The following MAP2 variants were observed in gnomAD, a reference collection of about 807,000 sequenced individuals.
MAP2 encodes the protein microtubule-associated protein 2.
Under a neutral mutation model 137.6 loss-of-function variants are expected in MAP2, and 14 were observed. The observed-to-expected ratio is 0.10, with a 90% CI of 0.07 to 0.16. The LOEUF is 0.16. Among genes scored for constraint, MAP2 ranks in the 10% least tolerant of loss-of-function variants. The pLI, the probability that MAP2 is intolerant of heterozygous loss-of-function variation, is 1.00. For missense variants in MAP2, 2,088 were observed against 2,191.5 expected (o/e 0.95, Z 0.94); for synonymous variants, 786 against 782.3 (o/e 1.00, Z -0.08).
rs12621656 is a variant in MAP2 at position 209,593,905 on chromosome 2, A to T, written c.-107+13805A>T. ...TATATTTATATTATTAAAATATATA[A>T]GTATATATTTATATTATTAAAATAT... On this transcript the variant is annotated intron_variant, in intron 3 of 15. Transcript: ENST00000682079. 6.3e-3 allele frequency among the ~76,000 whole-genome samples: 68 copies of T among 10,846 alleles called. 1 individual carries two copies. The highest frequency in any genetic ancestry group is 0.031 in the South Asian group (36 of 1,154). The allele number at this position is 10,846 out of a possible 152,430, so 7.1% of individuals were successfully genotyped here. A position where few individuals can be genotyped will look rare whatever the true frequency, so the allele number is the denominator to read the frequency against.
rs557076229 is a variant in MAP2, at chr2:209,505,784, G to A, written c.-221-1808G>A. On this transcript the variant is annotated intron_variant, in intron 1 of 15. Transcript: ENST00000682079. ...TTCAGGAGTTTGAGACCAGCCTGGG[G>A]AACATGGTGAAACTCCATCTCTACA... Among the ~76,000 whole-genome samples, 19 of 151,968 alleles carry A rather than the reference G, an allele frequency of 1.3e-4. No individual in the cohort carries two copies. The East Asian group carries it at 3.5e-3, about 28-fold the overall frequency.
Position 209,449,113 on chromosome 2 carries a change from C to T in MAP2, c.-222+24837C>T, listed in dbSNP as rs141978516. Among the ~76,000 whole-genome samples the T allele has an allele frequency of 3.7e-3, 559 of 152,226 alleles. 1 individual carries two copies. The highest frequency in any genetic ancestry group is 6.8e-3 in the Middle Eastern group (2 of 294). ...TGATTTTTTTCTAGGCATTAGAATA[C>T]GGAGCTTCCAAGTTCAGCACCTTGG... On this transcript the variant is annotated intron_variant, in intron 1 of 15. Coordinates refer to ENST00000682079, the MANE Select transcript of MAP2 (RefSeq NM_001375505.1).
chr2:209,654,988 A>C (rs916354645), intron 5 of MAP2, among the ~76,000 whole-genome samples: 30 of 152,208 alleles, frequency 2.0e-4, no homozygotes, highest in Middle Eastern at 3.4e-3. Context: ...GTAATACACA[A>C]AAAAAAATCA....
chr2:209,587,958 T>C (rs1287683244), intron 3 of MAP2, among the ~76,000 whole-genome samples: 2 of 152,206 alleles, frequency 1.3e-5, no homozygotes, highest in East Asian at 3.8e-4. Context: ...TCAAGTTAAA[T>C]TGATAATCAC....
chr2:209,506,869 C>T (rs1262743287), intron 1 of MAP2, among the ~76,000 whole-genome samples: 5 of 152,162 alleles, frequency 3.3e-5, no homozygotes, highest in Non-Finnish European at 7.4e-5. Context: ...TCAGTCTGTG[C>T]AGACTGTTCT....
intron 2 of MAP2, among the ~76,000 whole-genome samples, chr2:209,553,612 G>T (rs1168307103): frequency 6.6e-6 from 1 of 152,164 alleles, no homozygotes; most frequent in African/African-American, 2.4e-5. Flanking sequence ...AATGATAGTA[G>T]TTATTGGCAT....
At chr2:209,617,222 C>T (rs1003153541) in intron 3 of MAP2, among the ~76,000 whole-genome samples, 6 of 152,060 alleles carry the variant, frequency 3.9e-5, no homozygotes, top group Non-Finnish European at 8.8e-5. Context: ...GACAAAAGGA[C>T]AGGAGAAGAT....
intron 7 of MAP2, among the ~76,000 whole-genome samples, chr2:209,689,804 A>G (rs1368709260): frequency 1.3e-5 from 2 of 152,218 alleles, no homozygotes; most frequent in Non-Finnish European, 2.9e-5. Context: ...GAGTTTAACA[A>G]TATGATAATA....
At chr2:209,690,971 A>C (rs990183650) in intron 7 of MAP2, 1 of 951,246 alleles carries the variant, frequency 1.1e-6, no homozygotes, top group Non-Finnish European at 1.4e-6. Context: ...TAACAAGTCC[A>C]CTGTTGTAGG....
chr2:209,694,801 C>T lies in MAP2; in HGVS notation c.2631C>T (p.Val877=). Residue 877 remains valine (V), a synonymous_variant, in exon 8 of 16, where the codon GTC becomes GTT. Coordinates refer to ENST00000682079, the MANE Select transcript of MAP2 (RefSeq NM_001375505.1). The part of the protein sequence containing the change: ...LGYCVFNKYT[V]PLPSPVQDSE... ...ACTGTGTGTTCAATAAGTACACAGT[C>T]CCATTGCCATCACCTGTTCAAGACA... is the stretch of plus-strand genomic sequence containing the variant. 6.2e-7 allele frequency: 1 copy of T among 1,614,098 alleles called. No individual in the cohort carries two copies. The highest frequency in any genetic ancestry group is 8.5e-7 in the Non-Finnish European group (1 of 1,180,004).
At chr2:209,516,975 T>G (rs1412692372) in intron 2 of MAP2, among the ~76,000 whole-genome samples, 3 of 152,150 alleles carry the variant, frequency 2.0e-5, no homozygotes, top group Non-Finnish European at 4.4e-5. Context: ...TTCTTCTATT[T>G]CATACAAGTG....
rs184727974 is a variant in MAP2, at chr2:209,604,269, C to A, written c.-106-20784C>A. ...GTGTTCATTAAGTCCGTACCCAGTA[C>A]CCTTGAAACAAGAATGCCACATAAA... On this transcript the variant is annotated intron_variant, in intron 3 of 15. Coordinates refer to ENST00000682079, the MANE Select transcript of MAP2 (RefSeq NM_001375505.1). Among the ~76,000 whole-genome samples the A allele has an allele frequency of 7.9e-5, 12 of 152,268 alleles. No individual in the cohort carries two copies. In the East Asian group the frequency reaches 2.3e-3, roughly 29 times the overall value.
intron 1 of MAP2, among the ~76,000 whole-genome samples, chr2:209,484,414 A>AG (rs1352618799): frequency 6.6e-6 from 1 of 152,124 alleles, no homozygotes; most frequent in Non-Finnish European, 1.5e-5. Context: ...TTTGATGGCG[A>AG]GGCGCAGTGG....
chr2:209,614,566 G>A (rs1037452521), intron 3 of MAP2, among the ~76,000 whole-genome samples: 13 of 152,202 alleles, frequency 8.5e-5, no homozygotes, highest in East Asian at 1.9e-4. Context: ...ATTATAGATC[G>A]AGATATATTT....
intron 14 of MAP2, 78 bp from the exon 15 acceptor site, chr2:209,729,772 A>G (rs2075399814): frequency 3.4e-6 from 3 of 876,344 alleles, no homozygotes; most frequent in African/African-American, 3.3e-5. Context: ...GCCGTAGTCT[A>G]TCTACTGCAG....
intron 5 of MAP2, among the ~76,000 whole-genome samples, chr2:209,671,172 A>G (rs1366142003): frequency 1.3e-5 from 2 of 151,936 alleles, no homozygotes; most frequent in African/African-American, 2.4e-5. Context: ...TGTAGCTGCA[A>G]TGTTGGCCAG....
chr2:209,495,052 C>T (rs13025539), intron 1 of MAP2, among the ~76,000 whole-genome samples: 8,533 of 152,284 alleles, frequency 0.056, 271 homozygotes, highest in South Asian at 0.092. Flanking sequence ...TAAAAGACAT[C>T]GGTAAACAAA....
intron 2 of MAP2, among the ~76,000 whole-genome samples, chr2:209,574,098 A>G (rs2074897885): frequency 6.6e-6 from 1 of 152,104 alleles, no homozygotes; most frequent in South Asian, 2.1e-4. Context: ...TTTGTACAGT[A>G]CAATGTTATT....
chr2:209,615,746 C>A (rs896797190), intron 3 of MAP2, among the ~76,000 whole-genome samples: 4 of 152,298 alleles, frequency 2.6e-5, no homozygotes, highest in East Asian at 1.9e-4. Context: ...CATGTTAAAT[C>A]CTCTGACTGG....
Sources: allele counts gnomAD v4.1 joint callset (sites outside exome capture counted in the v4.1 genomes callset), GRCh38; gene constraint gnomAD v4.1.1; transcripts MANE v1.5; gene names NCBI Gene and HGNC (gene_info 2026-07-23, HGNC 2026-07-21).